The following MMEL1 variants were observed in gnomAD, a reference collection of about 807,000 sequenced individuals.
MMEL1 encodes the protein membrane metalloendopeptidase like 1, also known as membrane metallo-endopeptidase-like 1.
A neutral mutation model predicts 117.1 loss-of-function variants in MMEL1; 98 were observed. The ratio of observed to expected loss-of-function variants is 0.84; its 90% CI spans 0.71 to 0.99. The LOEUF (loss-of-function observed/expected upper bound fraction) is 0.99. MMEL1 is among the 50% of genes least tolerant of loss of function. MMEL1 has a pLI of 0.00. For synonymous variants in MMEL1, 390 were observed against 415.1 expected (o/e 0.94, Z 0.74); for missense variants, 1,014 against 1,049.1 (o/e 0.97, Z 0.46).
At chr1:2,621,534 T>C (rs1645288668) in intron 2 of MMEL1, among the ~76,000 whole-genome samples, 1 of 152,128 alleles carries the variant, frequency 6.6e-6, no homozygotes, top group South Asian at 2.1e-4. Context: ...AAGCCCCTAC[T>C]TGGAGTTGTC....
chr1:2,595,375 G>A lies in MMEL1; in HGVS notation c.1501-16C>T. On this transcript the variant is annotated splice_polypyrimidine_tract_variant and intron_variant, in intron 15 of 23. Transcript: ENST00000378412. The surrounding 1 kb of genome is among the most constrained non-coding windows in gnomAD (Gnocchi z 4.8). ...TGCTCATGGCCTGAGTGGGGAGGAG[G>A]GACTGGTCAGTGGGTGCCCCACTGC... 6.2e-7 allele frequency: 1 copy of A among 1,612,482 alleles called. No individual in the cohort carries two copies. Among genetic ancestry groups the A allele is most frequent in the Non-Finnish European group, 8.5e-7 (1 of 1,178,984 alleles).
intron 13 of MMEL1, 76 bp from the exon 14 acceptor site, chr1:2,596,765 G>A (rs888060177): frequency 1.5e-5 from 24 of 1,565,244 alleles, no homozygotes; most frequent in African/African-American, 1.2e-4. Flanking sequence ...CTGGGCTTAC[G>A]GGGTGAGCAG....
chr1:2,596,815 G>A (rs1226739577), intron 13 of MMEL1, 126 bp from the exon 14 acceptor site: 17 of 1,072,892 alleles, frequency 1.6e-5, no homozygotes, highest in South Asian at 4.5e-5. Context: ...CGGGGCTAGC[G>A]GGGGCACGGG....
At chr1:2,629,073 C>T (rs1044733892) in intron 2 of MMEL1, among the ~76,000 whole-genome samples, 18 of 152,014 alleles carry the variant, frequency 1.2e-4, no homozygotes, top group Non-Finnish European at 1.0e-4. Flanking sequence ...TGCGGAGCTG[C>T]AGAAGCAGCG....
chr1:2,604,481 C>T (rs750170239), intron 9 of MMEL1, among the ~76,000 whole-genome samples, 200 bp from the exon 10 acceptor site: 7 of 152,186 alleles, frequency 4.6e-5, no homozygotes, highest in Non-Finnish European at 1.0e-4. Context: ...AGCCACTGGA[C>T]GGGGTACCTA....
At chr1:2,601,685 A>G (rs1644934026) in intron 11 of MMEL1, among the ~76,000 whole-genome samples, 2 of 152,250 alleles carry the variant, frequency 1.3e-5, no homozygotes, top group Admixed American at 1.3e-4. Context: ...AGTCACATCT[A>G]AAATAGGTAA....
chr1:2,612,661 C>G lies in MMEL1; in HGVS notation c.155-457G>C, dbSNP rs764077059. Among the ~76,000 whole-genome samples, 3 of 152,128 alleles carry G rather than the reference C, an allele frequency of 2.0e-5. No individual in the cohort carries two copies. The highest frequency in any genetic ancestry group is 2.9e-5 in the Non-Finnish European group (2 of 68,032). On this transcript the variant is annotated intron_variant, in intron 2 of 23. Transcript: ENST00000378412. The surrounding 1 kb of genome is among the most constrained non-coding windows in gnomAD (Gnocchi z 5.4). ...CCTTTTCAGAGAGGGTGGCTTCCCACTAATGACCCTTGTCCCTAGCCCCTC... is the reference window on the plus strand; with the variant it reads ...CCTTTTCAGAGAGGGTGGCTTCCCAGTAATGACCCTTGTCCCTAGCCCCTC...
At position 2,596,741 on chromosome 1, in the gene MMEL1, C is replaced by T. The variant is rs1644848633; in HGVS notation, c.1273-52G>A. 5 of 1,602,602 alleles carry T rather than the reference C, an allele frequency of 3.1e-6. No homozygotes were observed. In the South Asian group the frequency reaches 4.4e-5, roughly 14 times the overall value. On this transcript the variant is annotated intron_variant, in intron 13 of 23. Transcript: ENST00000378412. Reference sequence around the variant, plus strand: ...GGGCCCCCACGTCAGCCTTCCCAGGCCTGGCGTGGGGCCCTGGGCTTACGG... The same window carrying T: ...GGGCCCCCACGTCAGCCTTCCCAGGTCTGGCGTGGGGCCCTGGGCTTACGG...
At chr1:2,600,863 T>C (rs890997943) in intron 11 of MMEL1, among the ~76,000 whole-genome samples, 2 of 152,250 alleles carry the variant, frequency 1.3e-5, no homozygotes, top group Non-Finnish European at 2.9e-5. Context: ...AATGATTCTA[T>C]TTATAGTAGA....
chr1:2,591,703 C>T (rs548402306), intron 22 of MMEL1, 70 bp from the exon 23 acceptor site: 2 of 1,167,260 alleles, frequency 1.7e-6, no homozygotes, highest in African/African-American at 3.0e-5. Context: ...GGGAGGGTCT[C>T]CACTATCCCC....
At chr1:2,618,648 G>C (rs912761850) in intron 2 of MMEL1, among the ~76,000 whole-genome samples, 9 of 152,138 alleles carry the variant, frequency 5.9e-5, no homozygotes, top group Admixed American at 5.9e-4. Flanking sequence ...GAAACCTCTC[G>C]CGGAGAAGCC....
Position 2,609,367 on chromosome 1 carries a change from C to A in MMEL1, c.507G>T (p.Arg169Ser), listed in dbSNP as rs754701133. 2 of 1,612,230 alleles carry A rather than the reference C, an allele frequency of 1.2e-6. No individual in the cohort carries two copies. Among genetic ancestry groups the A allele is most frequent in the Admixed American group, 3.3e-5 (2 of 59,912 alleles). ...AKDRPAVEKA[R>S]TLYRSCMNQS... ...GGTTCATGCAGGAGCGGTACAGCGT[C>A]CTGGCCTTCTCCACAGCCGGCCGGT... The change falls in exon 6 of 24, where the codon AGG becomes AGT. Residue 169 changes from arginine to serine, a missense_variant. Arg to Ser is a moderately radical substitution (Grantham distance 110, BLOSUM62 -1). Transcript: ENST00000378412.
In MMEL1 at chr1:2,606,378, G is replaced by C; in HGVS notation, c.632-12C>G. The C allele has an allele frequency of 6.2e-7, 1 of 1,606,516 alleles. No individual in the cohort carries two copies. Among genetic ancestry groups the C allele is most frequent in the Non-Finnish European group, 8.5e-7 (1 of 1,176,616 alleles). On this transcript the variant is annotated splice_polypyrimidine_tract_variant and intron_variant, in intron 7 of 23. Coordinates refer to ENST00000378412, the MANE Select transcript of MMEL1 (RefSeq NM_033467.4). ...CTCCCACTCGAGTCCTGGGGAGACA[G>C]TGCCCCGCACTGGAGACTGGCGGGC... is the stretch of plus-strand genomic sequence containing the variant.
At chr1:2,618,240 G>C (rs1443516148) in intron 2 of MMEL1, among the ~76,000 whole-genome samples, 1 of 152,060 alleles carries the variant, frequency 6.6e-6, no homozygotes, top group East Asian at 1.9e-4. Flanking sequence ...CTTGAAAAGA[G>C]CCTGGCACCT....
At position 2,629,413 on chromosome 1, in the gene MMEL1, G is replaced by A. The variant is rs1181822102; in HGVS notation, c.72C>T (p.Phe24=). ...AGRAGQKRPG[F]LEGGLLLLLL... ...GCAGCAGCAGCAGCCCCCCCTCCAG[G>A]AACCCCGGGCGCTTCTGCCCTGCAC... Residue 24 remains phenylalanine (F), a synonymous_variant, in exon 2 of 24, where the codon TTC becomes TTT. Transcript: ENST00000378412. 4 of 1,546,054 alleles carry A rather than the reference G, an allele frequency of 2.6e-6. No homozygotes were observed. The highest frequency in any genetic ancestry group is 4.9e-5 in the East Asian group (2 of 40,776).
chr1:2,605,734 C>CCTGGGCAGAGCACG, intron 8 of MMEL1, 111 bp from the exon 9 acceptor site: 1 of 755,478 alleles, frequency 1.3e-6, no homozygotes, highest in Non-Finnish European at 2.2e-6. Flanking sequence ...CACACGTGCT[C>CCTGGGCAGAGCACG]TGCCCAGGAG....
intron 1 of MMEL1, among the ~76,000 whole-genome samples, chr1:2,630,797 CGT>C (rs1638530379): frequency 8.1e-6 from 1 of 123,780 alleles, no homozygotes; most frequent in African/African-American, 3.2e-5. Flanking sequence ...TGAGTGTGCA[CGT>C]GTGTCCTCTC....
chr1:2,628,530 T>C (rs1396794729), intron 2 of MMEL1, among the ~76,000 whole-genome samples: 4 of 152,098 alleles, frequency 2.6e-5, no homozygotes, highest in African/African-American at 9.7e-5. Flanking sequence ...GGGGTGAGCA[T>C]TGCTCCCCGA....
At position 2,599,850 on chromosome 1, in the gene MMEL1, T is replaced by C. The variant is rs1284215483; in HGVS notation, c.1042-1060A>G. ...CCAGCCTGGGCAACAGAGCAAGACT[T>C]TGTCTCAAAAAAAAAAAAAAGATAA... On this transcript the variant is annotated intron_variant, in intron 11 of 23. Transcript: ENST00000378412. Among the ~76,000 whole-genome samples, 16 of 128,872 alleles carry C rather than the reference T, an allele frequency of 1.2e-4. 1 individual carries two copies. Among genetic ancestry groups the C allele is most frequent in the African/African-American group, 4.4e-4 (16 of 36,716 alleles). 84.5% of individuals were successfully genotyped at this position (128,872 alleles called of 152,430 possible).
Sources: allele counts gnomAD v4.1 joint callset (sites outside exome capture counted in the v4.1 genomes callset), GRCh38; gene constraint gnomAD v4.1.1; non-coding constraint Gnocchi (gnomAD v3.1); transcripts MANE v1.5; gene names NCBI Gene and HGNC (gene_info 2026-07-23, HGNC 2026-07-21).